The following SMYD3 variants were observed in gnomAD, a reference collection of about 807,000 sequenced individuals.
SMYD3 encodes the protein SET and MYND domain containing 3.
Under a neutral mutation model 57.7 loss-of-function variants are expected in SMYD3, and 36 were observed. That is an observed-to-expected ratio of 0.62 (90% CI 0.48 to 0.82). The LOEUF (loss-of-function observed/expected upper bound fraction) is 0.82, where lower values mean the gene tolerates loss of function less well. SMYD3 is among the 40% of genes least tolerant of loss of function. The pLI, the probability that SMYD3 is intolerant of heterozygous loss-of-function variation, is 0.00. For synonymous variants in SMYD3, 211 were observed against 195.0 expected, an observed-to-expected ratio of 1.08 and a Z score of -0.68; for missense variants, 515 against 538.8, an observed-to-expected ratio of 0.96 and a Z score of 0.44.
chr1:245,959,700 A>G (rs2057950220), intron 5 of SMYD3, among the ~76,000 whole-genome samples: 1 of 152,178 alleles, frequency 6.6e-6, no homozygotes, highest in South Asian at 2.1e-4. Flanking sequence ...TTGATGGCTC[A>G]TTTCTCTAAA....
At chr1:246,260,089 A>T (rs1287440903) in intron 5 of SMYD3, among the ~76,000 whole-genome samples, 1 of 152,114 alleles carries the variant, frequency 6.6e-6, no homozygotes, top group African/African-American at 2.4e-5. Context: ...GAGCAGAGAG[A>T]GTCCCCCTAT....
chr1:246,151,622 C>T (rs1288651832), intron 5 of SMYD3, among the ~76,000 whole-genome samples: 1 of 152,194 alleles, frequency 6.6e-6, no homozygotes, highest in East Asian at 1.9e-4. Context: ...TCGATCCTTC[C>T]TCCACAGTCC....
At chr1:246,416,154 T>C (rs1339661182) in intron 1 of SMYD3, among the ~76,000 whole-genome samples, 3 of 152,198 alleles carry the variant, frequency 2.0e-5, no homozygotes, top group Admixed American at 2.0e-4. Context: ...CTGGGGTAAA[T>C]AGTTTTAGTT....
At chr1:245,753,441 G>T (rs2045477993) in intron 11 of SMYD3, among the ~76,000 whole-genome samples, 1 of 152,254 alleles carries the variant, frequency 6.6e-6, no homozygotes. Context: ...GTGTGCGGAT[G>T]TGTGCGTGGA....
intron 5 of SMYD3, among the ~76,000 whole-genome samples, chr1:246,070,939 T>C (rs979429197): frequency 2.6e-5 from 4 of 152,232 alleles, no homozygotes; most frequent in Admixed American, 6.5e-5. Flanking sequence ...TTGGCAACCA[T>C]AAATTTTAAT....
intron 8 of SMYD3, among the ~76,000 whole-genome samples, chr1:245,895,626 T>G (rs570057028): frequency 9.2e-5 from 14 of 152,392 alleles, no homozygotes; most frequent in African/African-American, 3.4e-4. Flanking sequence ...ACTTTTGCGC[T>G]AACATTCTTT....
intron 1 of SMYD3, among the ~76,000 whole-genome samples, chr1:246,368,065 T>C (rs1411516441): frequency 6.6e-6 from 1 of 152,224 alleles, no homozygotes; most frequent in Admixed American, 6.5e-5. Flanking sequence ...GGCTGGGCCA[T>C]AATTAGTTTC....
At chr1:246,181,436 A>G (rs2062549974) in intron 5 of SMYD3, among the ~76,000 whole-genome samples, 1 of 152,172 alleles carries the variant, frequency 6.6e-6, no homozygotes, top group Non-Finnish European at 1.5e-5. Flanking sequence ...GCCACTCCCC[A>G]CAGCTGAGAC....
chr1:246,365,816 GC>G (rs749335907), intron 1 of SMYD3, among the ~76,000 whole-genome samples: 4 of 152,080 alleles, frequency 2.6e-5, no homozygotes, highest in East Asian at 1.9e-4. Flanking sequence ...GCCCCAAATC[GC>G]CAAAAGCTGT....
At chr1:246,359,351 C>T (rs895117676) in intron 1 of SMYD3, among the ~76,000 whole-genome samples, 1 of 152,032 alleles carries the variant, frequency 6.6e-6, no homozygotes, top group African/African-American at 2.4e-5. Flanking sequence ...AAGTCTAGGA[C>T]CATAAGGATT....
Position 245,898,025 on chromosome 1 carries a change from G to T in SMYD3, c.813+17505C>A, listed in dbSNP as rs186443592. ...TCAGGCCTCAGTGCAGGGAAAAACT[G>T]CTCTGGCTGTGTTTTCCTTCTTAGG... On this transcript the variant is annotated intron_variant, in intron 8 of 11. Transcript: ENST00000490107. Among the ~76,000 whole-genome samples the T allele has an allele frequency of 9.2e-5, 14 of 152,280 alleles. No homozygotes were observed. In the East Asian group the frequency reaches 2.7e-3, roughly 29 times the overall value.
rs1006078007 is a variant in SMYD3 at position 246,117,372 on chromosome 1, C to T, written c.532-187435G>A. Among the ~76,000 whole-genome samples the T allele has an allele frequency of 2.6e-5, 4 of 152,298 alleles. No homozygotes were observed. The East Asian group carries it at 7.7e-4, about 29-fold the overall frequency. The stretch of plus-strand genomic sequence containing the variant: ...TTTCTAGTTGGTTTCTCTGCTGCCC[C>T]CTTCTGCTTCAACAAAACACAGTAG... On this transcript the variant is annotated intron_variant, in intron 5 of 11. Transcript: ENST00000490107.
chr1:246,065,331 G>A (rs750475757), intron 5 of SMYD3, among the ~76,000 whole-genome samples: 2 of 152,166 alleles, frequency 1.3e-5, no homozygotes, highest in African/African-American at 4.8e-5. Context: ...ACAGATGCGC[G>A]CCTTACTTTA....
chr1:246,171,552 AG>A, intron 5 of SMYD3, among the ~76,000 whole-genome samples: 1 of 152,176 alleles, frequency 6.6e-6, no homozygotes, highest in Non-Finnish European at 1.5e-5. Flanking sequence ...ACGCAAACCT[AG>A]ATGAGACAGT....
At chr1:245,981,375 C>T (rs527805153) in intron 5 of SMYD3, among the ~76,000 whole-genome samples, 2 of 152,324 alleles carry the variant, frequency 1.3e-5, no homozygotes, top group African/African-American at 2.4e-5. Context: ...CTGGGCTGCA[C>T]AGACAACCAG....
chr1:245,998,357 A>G (rs2148138562), intron 5 of SMYD3, among the ~76,000 whole-genome samples: 1 of 152,314 alleles, frequency 6.6e-6, no homozygotes, highest in South Asian at 2.1e-4. Flanking sequence ...TTGCTGAATA[A>G]ATAATTCTAA....
chr1:246,054,709 TG>T (rs1054519855), intron 5 of SMYD3, among the ~76,000 whole-genome samples: 6 of 151,706 alleles, frequency 4.0e-5, no homozygotes, highest in Non-Finnish European at 5.9e-5. Context: ...CAGCTGGGGC[TG>T]GGGGTGGGTG....
At chr1:246,116,671 T>C (rs1432783683) in intron 5 of SMYD3, among the ~76,000 whole-genome samples, 1 of 152,200 alleles carries the variant, frequency 6.6e-6, no homozygotes, top group Non-Finnish European at 1.5e-5. Context: ...AGAATATTAA[T>C]GAGAAATAGA....
chr1:245,938,164 G>A (rs2057058696), intron 5 of SMYD3, among the ~76,000 whole-genome samples: 1 of 152,236 alleles, frequency 6.6e-6, no homozygotes, highest in Admixed American at 6.5e-5. Flanking sequence ...TTGCCATACC[G>A]ATGATGCCTG....
Sources: gnomAD v4.1 joint callset for allele counts (sites outside exome capture counted in the v4.1 genomes callset) on GRCh38, gnomAD v4.1.1 for gene constraint, MANE v1.5 for transcripts, NCBI Gene and HGNC (gene_info 2026-07-23, HGNC 2026-07-21) for gene names.